PNPLA1: variants seen among roughly 807,000 people sequenced by gnomAD.
PNPLA1 encodes the protein patatin like domain 1, omega-hydroxyceramide transacylase.
Under a neutral mutation model 51.7 loss-of-function variants are expected in PNPLA1, and 36 were observed. The observed-to-expected ratio is 0.70, with a 90% CI of 0.53 to 0.92. The LOEUF is 0.92. Ranked by LOEUF, PNPLA1 falls within the 40% of genes least tolerant of loss-of-function variation. The pLI is 0.00. For synonymous variants in PNPLA1, 293 were observed against 280.1 expected, an observed-to-expected ratio of 1.05 and a Z score of -0.46; for missense variants, 658 against 682.5, an observed-to-expected ratio of 0.96 and a Z score of 0.40.
At chr6:36,272,636 G>A (rs935163043) in intron 1 of PNPLA1, among the ~76,000 whole-genome samples, 1 of 152,166 alleles carries the variant, frequency 6.6e-6, no homozygotes, top group Non-Finnish European at 1.5e-5. Flanking sequence ...GTTTGAGGGA[G>A]CAAGGTGGAA....
At chr6:36,307,073 C>A (rs1320085021) in intron 7 of PNPLA1, among the ~76,000 whole-genome samples, 2 of 152,140 alleles carry the variant, frequency 1.3e-5, no homozygotes, top group East Asian at 3.9e-4. Flanking sequence ...TTTCTCCCCA[C>A]AACCCCAGCC....
chr6:36,245,912 A>G (rs1769269877), intron 1 of PNPLA1, among the ~76,000 whole-genome samples: 3 of 152,210 alleles, frequency 2.0e-5, no homozygotes, highest in African/African-American at 2.4e-5. Flanking sequence ...CTGAAATGCA[A>G]TTAGCCAGGG....
rs1410509464 is a variant in PNPLA1 at position 36,293,138 on chromosome 6, G to A, written c.504+12G>A. ...CTTACCGCGGTGTGGTGAGTGCTTC[G>A]GCATGGTGAGGGGTGAGATGGGATC... On this transcript the variant is annotated intron_variant, in intron 3 of 8. Transcript: ENST00000636260. 5.6e-6 allele frequency: 9 copies of A among 1,612,800 alleles called. No homozygotes were observed. Among genetic ancestry groups the A allele is most frequent in the South Asian group, 1.1e-5 (1 of 91,062 alleles).
rs376065817 is a variant in PNPLA1, at chr6:36,262,177, C to T, written c.-81+18916C>T. ...AGTTGGTCCTAGGGCTACAGAAGCC[C>T]AGGCTGATCCTCTGGCTCAGACCTG... On this transcript the variant is annotated intron_variant, in intron 1 of 7. Transcript: ENST00000312917. Among the ~76,000 whole-genome samples the T allele has an allele frequency of 1.3e-4, 20 of 152,256 alleles. No homozygotes were observed. In the South Asian group the frequency reaches 2.7e-3, roughly 21 times the overall value.
At chr6:36,269,315 G>A (rs1309723998), upstream of PNPLA1, among the ~76,000 whole-genome samples, 2 of 152,090 alleles carry the variant, frequency 1.3e-5, no homozygotes, top group Admixed American at 6.5e-5. Context: ...CATTTTGTGG[G>A]TGTGAGAACC....
chr6:36,260,755 G>A (rs1370641209), intron 1 of PNPLA1, among the ~76,000 whole-genome samples: 3 of 152,098 alleles, frequency 2.0e-5, no homozygotes, highest in East Asian at 1.9e-4. Flanking sequence ...GGTCTGTTTC[G>A]ATTATTTTTA....
At chr6:36,307,889 G>C in intron 8 of PNPLA1, 177 bp downstream of exon 8, 2 of 750,800 alleles carry the variant, frequency 2.7e-6, no homozygotes, top group African/African-American at 1.8e-5. Flanking sequence ...CTCCACTCAG[G>C]GATCATGGTT....
intron 8 of PNPLA1, among the ~76,000 whole-genome samples, chr6:36,310,401 T>G (rs1771362660): frequency 6.6e-6 from 1 of 152,058 alleles, no homozygotes; most frequent in Non-Finnish European, 1.5e-5. Context: ...AGAGACAGAG[T>G]GAGAAATTGA....
intron 1 of PNPLA1, among the ~76,000 whole-genome samples, chr6:36,251,936 C>T (rs1429597865): frequency 6.6e-6 from 1 of 151,904 alleles, no homozygotes; most frequent in African/African-American, 2.4e-5. Context: ...CAGAGCAAGA[C>T]CCTGTCTCCA....
rs975722641 is a variant in PNPLA1 at position 36,270,580 on chromosome 6, C to A, written c.121C>A (p.Arg41=). 1 of 1,551,604 alleles carries A rather than the reference C, an allele frequency of 6.4e-7. No individual in the cohort carries two copies. The highest frequency in any genetic ancestry group is 2.4e-5 in the East Asian group (1 of 40,920). The change falls in exon 1 of 9, where the codon CGG becomes AGG. Residue 41 remains arginine, a synonymous_variant. Transcript: ENST00000636260. Reference sequence around the variant, plus strand: ...GGACGCCCTGCGGGACCTGGCCCCCCGGATGCTGGAAACAGCCCACCGCTT... The same window carrying A: ...GGACGCCCTGCGGGACCTGGCCCCCAGGATGCTGGAAACAGCCCACCGCTT... ...AVDALRDLAP[R]MLETAHRFAG...
chr6:36,311,866 G>A lies in PNPLA1; in HGVS notation c.1699G>A (p.Val567Met), dbSNP rs1315084022. The A allele has an allele frequency of 2.6e-5, 4 of 152,704 alleles. No individual in the cohort carries two copies. The highest frequency in any genetic ancestry group is 5.9e-5 in the Non-Finnish European group (4 of 68,108). The allele number at this position is 152,704 out of a possible 1,614,324, so 9.5% of individuals were successfully genotyped here. Residue 567 changes from valine to methionine, a missense_variant, in exon 9 of 9, where the codon GTG becomes ATG. Val to Met is a conservative substitution (Grantham distance 21, BLOSUM62 1). Coordinates refer to ENST00000636260, the MANE Select transcript of PNPLA1 (RefSeq NM_001374623.1). ...CCGGATCCAGGAATGCTGCCCTGAA[G>A]TGTGGAATTCCTTAGGATGACCTTG... is the stretch of plus-strand genomic sequence containing the variant. ...PSRIQECCPE[V>M]WNSLG
At chr6:36,302,849 C>A (rs921631704) in intron 6 of PNPLA1, among the ~76,000 whole-genome samples, 5 of 152,122 alleles carry the variant, frequency 3.3e-5, no homozygotes, top group Admixed American at 2.0e-4. Context: ...TTTGAGACCG[C>A]TGGGCCAGTA....
In PNPLA1 at chr6:36,282,118, AAGGAAGGAAG is replaced by A. The variant is rs1411864373; in HGVS notation, c.206-9201_206-9192del. 1.2e-3 allele frequency among the ~76,000 whole-genome samples: 167 copies of A among 142,560 alleles called. 6 individuals are homozygous for A. Among genetic ancestry groups the A allele is most frequent in the Admixed American group, 1.9e-3 (27 of 13,900 alleles). The allele number at this position is 142,560 out of a possible 152,430, so 93.5% of individuals were successfully genotyped here. A position where few individuals can be genotyped will look rare whatever the true frequency, so the allele number is the denominator to read the frequency against. ...GAAGGAAGGAAGGAAGGAAGGAAGG[AAGGAAGGAAG>A]GAAGGAAGGAAAGAGAGACAGAGAG... On this transcript the variant is annotated intron_variant, in intron 1 of 8. Transcript: ENST00000636260.
chr6:36,293,438 T>C (rs779338271), intron 3 of PNPLA1, among the ~76,000 whole-genome samples: 13 of 152,212 alleles, frequency 8.5e-5, no homozygotes, highest in Non-Finnish European at 1.8e-4. Context: ...CACTGGGACC[T>C]GGAAACTCAA....
chr6:36,306,431 C>T (rs1178113992), intron 7 of PNPLA1, 55 bp downstream of exon 7: 14 of 1,487,908 alleles, frequency 9.4e-6, no homozygotes, highest in Admixed American at 2.0e-5. Context: ...GAAGCAAGCC[C>T]GGCTAAGCGA....
intron 6 of PNPLA1, among the ~76,000 whole-genome samples, chr6:36,303,088 T>C (rs1771118150): frequency 6.6e-6 from 1 of 151,846 alleles, no homozygotes; most frequent in Non-Finnish European, 1.5e-5. Flanking sequence ...TAGTTTGTTA[T>C]AGACTACAAA....
At chr6:36,243,497 A>C (rs1769188337) in intron 1 of PNPLA1, among the ~76,000 whole-genome samples, 1 of 152,200 alleles carries the variant, frequency 6.6e-6, no homozygotes, top group Admixed American at 6.5e-5. Flanking sequence ...TGGGCAAAAC[A>C]AAGTCCTGGG....
At chr6:36,257,639 C>A (rs1299857402) in intron 1 of PNPLA1, among the ~76,000 whole-genome samples, 1 of 152,190 alleles carries the variant, frequency 6.6e-6, no homozygotes, top group African/African-American at 2.4e-5. Context: ...GCTGAGGTTT[C>A]CCTTCTTTTC....
At chr6:36,292,708 C>T (rs894173491) in intron 2 of PNPLA1, among the ~76,000 whole-genome samples, 20 of 152,238 alleles carry the variant, frequency 1.3e-4, no homozygotes, top group Admixed American at 7.8e-4. Context: ...AGGTGGGCCT[C>T]TCAGCCTCCT....
Sources: allele counts gnomAD v4.1 joint callset (sites outside exome capture counted in the v4.1 genomes callset), GRCh38; gene constraint gnomAD v4.1.1; transcripts MANE v1.5; gene names NCBI Gene and HGNC (gene_info 2026-07-23, HGNC 2026-07-21).